Variants in DLGAP2 observed in about 807,000 individuals in gnomAD.
The protein encoded by DLGAP2 is DLG associated protein 2.
DLGAP2 carries 26 observed loss-of-function variants against 100.3 expected under a neutral mutation model. The ratio of observed to expected loss-of-function variants is 0.26; its 90% CI spans 0.19 to 0.36. The LOEUF (loss-of-function observed/expected upper bound fraction) is 0.36, where lower values mean the gene tolerates loss of function less well. DLGAP2 is among the 10% of genes least tolerant of loss of function. The pLI, the probability that DLGAP2 is intolerant of heterozygous loss-of-function variation, is 1.00. For synonymous variants in DLGAP2, 886 were observed against 630.1 expected (o/e 1.41, Z -6.08); for missense variants, 1,858 against 1,453.2 (o/e 1.28, Z -4.53).
intron 2 of DLGAP2, among the ~76,000 whole-genome samples, chr8:1,079,028 G>A (rs1442127431): frequency 1.3e-5 from 2 of 152,220 alleles, no homozygotes; most frequent in African/African-American, 4.8e-5. Flanking sequence ...CCAGCAGGGA[G>A]GAGAGTTCCT....
intron 2 of DLGAP2, among the ~76,000 whole-genome samples, chr8:1,153,853 C>G (rs1048303722): frequency 6.6e-5 from 10 of 152,186 alleles, no homozygotes; most frequent in African/African-American, 2.4e-4. Flanking sequence ...ATGCATCTAG[C>G]ACTTTCCTTG....
intron 1 of DLGAP2, among the ~76,000 whole-genome samples, chr8:772,112 G>C (rs1821379338): frequency 6.6e-6 from 1 of 152,030 alleles, no homozygotes; most frequent in South Asian, 2.1e-4. Context: ...TGTTGCCCAG[G>C]CTGCTCTTGA....
At chr8:1,226,399 T>C (rs184504804) in intron 2 of DLGAP2, among the ~76,000 whole-genome samples, 81 of 152,184 alleles carry the variant, frequency 5.3e-4, no homozygotes, top group African/African-American at 1.9e-3. Flanking sequence ...ATGTTCTCAC[T>C]TATAAGTGGG....
intron 6 of DLGAP2, chr8:1,622,400 G>A (rs972871205): frequency 1.3e-5 from 2 of 152,210 alleles, no homozygotes; most frequent in Non-Finnish European, 2.9e-5. Flanking sequence ...GTATTTTCAA[G>A]CATGTTTAGA....
At chr8:1,167,900 C>G (rs1316182163) in intron 2 of DLGAP2, among the ~76,000 whole-genome samples, 1 of 151,640 alleles carries the variant, frequency 6.6e-6, no homozygotes, top group Non-Finnish European at 1.5e-5. Flanking sequence ...TTTTATTATA[C>G]TTTAAGTTTT....
chr8:845,732 G>A (rs970232064), intron 1 of DLGAP2, among the ~76,000 whole-genome samples: 1 of 152,064 alleles, frequency 6.6e-6, no homozygotes, highest in South Asian at 2.1e-4. Context: ...AGATACCATT[G>A]CCTAATCAAG....
rs1044988628 is a variant in DLGAP2 at position 1,290,397 on chromosome 8, C to G, written c.106+31514C>G. On this transcript the variant is annotated intron_variant, in intron 3 of 14. Coordinates refer to ENST00000637795, the MANE Select transcript of DLGAP2 (RefSeq NM_001346810.2). ...GTGACGGCAGGGTTTGAACATCGGG[C>G]TGTCTGACCAGCACACCTGCACTCC... Among the ~76,000 whole-genome samples the G allele has an allele frequency of 7.3e-4, 111 of 152,322 alleles. 2 individuals carry two copies. Among genetic ancestry groups the G allele is most frequent in the Middle Eastern group, 6.8e-3 (2 of 294 alleles).
At chr8:1,267,570 A>ATAATAC (rs61038728) in intron 3 of DLGAP2, among the ~76,000 whole-genome samples, 3 of 99,936 alleles carry the variant, frequency 3.0e-5, no homozygotes, top group African/African-American at 1.1e-4. Flanking sequence ...AAATAAAATA[A>ATAATAC]AATAAAATAA....
At chr8:1,229,813 C>T (rs1255287848) in intron 2 of DLGAP2, among the ~76,000 whole-genome samples, 1 of 152,102 alleles carries the variant, frequency 6.6e-6, no homozygotes, top group African/African-American at 2.4e-5. Flanking sequence ...TAGATAAAAT[C>T]CAACACCCTT....
chr8:900,178 CAGTG>C (rs1447758954), intron 1 of DLGAP2, among the ~76,000 whole-genome samples: 3 of 147,526 alleles, frequency 2.0e-5, no homozygotes, highest in African/African-American at 7.6e-5. Context: ...CCCGGGCAGA[CAGTG>C]GGTGCCCTCC....
intron 6 of DLGAP2, among the ~76,000 whole-genome samples, chr8:1,593,619 C>A (rs1162391469): frequency 1.3e-5 from 2 of 152,102 alleles, no homozygotes; most frequent in African/African-American, 2.4e-5. Flanking sequence ...CAGGAAGAGA[C>A]CCCCTGGCTT....
At chr8:945,860 A>G (rs181008003) in intron 2 of DLGAP2, among the ~76,000 whole-genome samples, 2 of 151,590 alleles carry the variant, frequency 1.3e-5, no homozygotes, top group Admixed American at 6.5e-5. Flanking sequence ...CTTTGCCTAC[A>G]TTAATGTTGT....
chr8:868,577 A>G (rs1797539846), intron 1 of DLGAP2, among the ~76,000 whole-genome samples: 2 of 152,252 alleles, frequency 1.3e-5, no homozygotes, highest in Admixed American at 6.5e-5. Context: ...AAAAGTGTCC[A>G]TCATCTCTGA....
At chr8:1,456,668 C>T (rs1222858499) in intron 3 of DLGAP2, among the ~76,000 whole-genome samples, 1 of 151,650 alleles carries the variant, frequency 6.6e-6, no homozygotes, top group Non-Finnish European at 1.5e-5. Flanking sequence ...TAAAATGAGA[C>T]CGATTGTTGA....
At chr8:1,695,427 C>T (rs1170708248) in intron 13 of DLGAP2, among the ~76,000 whole-genome samples, 2 of 140,248 alleles carry the variant, frequency 1.4e-5, no homozygotes, top group African/African-American at 6.0e-5. Context: ...GGGGGCACAG[C>T]CATGTCCGGC....
chr8:878,777 C>G (rs1797730128), intron 1 of DLGAP2, among the ~76,000 whole-genome samples: 1 of 152,164 alleles, frequency 6.6e-6, no homozygotes, highest in Non-Finnish European at 1.5e-5. Flanking sequence ...GCTTCTCTTT[C>G]ACAAGGCCCA....
intron 2 of DLGAP2, among the ~76,000 whole-genome samples, chr8:1,163,102 T>C (rs898274672): frequency 3.3e-5 from 5 of 152,086 alleles, no homozygotes; most frequent in Admixed American, 6.5e-5. Context: ...TGCGGCGTGT[T>C]GGGGTGATCG....
At chr8:1,108,874 A>G (rs1341248113) in intron 2 of DLGAP2, among the ~76,000 whole-genome samples, 1,029 of 61,080 alleles carry the variant, frequency 0.017, no homozygotes, top group Middle Eastern at 0.047. Flanking sequence ...GGTCTGTGAG[A>G]TGTGCATGGG....
chr8:1,493,574 G>A (rs1799455949), intron 3 of DLGAP2, among the ~76,000 whole-genome samples: 1 of 152,238 alleles, frequency 6.6e-6, no homozygotes, highest in Non-Finnish European at 1.5e-5. Context: ...TCCTGGTGAA[G>A]TTTCCCAGAT....
Sources: gnomAD v4.1 joint callset for allele counts (sites outside exome capture counted in the v4.1 genomes callset) on GRCh38, gnomAD v4.1.1 for gene constraint, MANE v1.5 for transcripts, NCBI Gene and HGNC (gene_info 2026-07-23, HGNC 2026-07-21) for gene names.